PEAK1: variants seen among roughly 807,000 people sequenced by gnomAD.
PEAK1 encodes the protein inactive tyrosine-protein kinase PEAK1.
In PEAK1, 54 loss-of-function variants were observed where a neutral mutation model predicts 124.7. The observed-to-expected ratio is 0.43, with a 90% confidence interval of 0.35 to 0.54. The LOEUF (loss-of-function observed/expected upper bound fraction) is 0.54, where lower values mean the gene tolerates loss of function less well. Among genes scored for constraint, PEAK1 ranks in the 20% least tolerant of loss-of-function variants. The probability of loss-of-function intolerance (pLI) is 0.01; values close to 1 mark genes in which losing one functional copy is unlikely to be tolerated. For synonymous variants in PEAK1, 719 were observed against 760.0 expected (o/e 0.95, Z 0.89); for missense variants, 2,046 against 2,134.5 (o/e 0.96, Z 0.82).
Position 77,180,427 on chromosome 15 carries a change from G to A in PEAK1, c.1500C>T (p.Ser500=). The part of the protein sequence containing the change: ...EGPVNSPKTK[S]SSSTPNSPVT... ...CTGGAGAGTTTGGAGTAGAGGATGA[G>A]CTTTTTGTCTTGGGGCTGTTAACAG... The change falls in exon 7 of 10, where the codon AGC becomes AGT. Residue 500 remains serine, a synonymous_variant. Transcript: ENST00000682557. The A allele has an allele frequency of 6.2e-7, 1 of 1,614,158 alleles. No homozygotes were observed. The highest frequency in any genetic ancestry group is 1.1e-5 in the South Asian group (1 of 91,082).
In PEAK1 at chr15:77,318,170, T is replaced by TACAC. The variant is rs10635105; in HGVS notation, c.-602-31670_-602-31667dup. ...TAACAAAATTGCATGCATGCATGCA[T>TACAC]ACACACACACACACACAAATGTATA... On this transcript the variant is annotated intron_variant, in intron 2 of 9. Transcript: ENST00000682557. 2.6e-3 allele frequency among the ~76,000 whole-genome samples: 395 copies of TACAC among 151,112 alleles called. 1 individual carries two copies. Among genetic ancestry groups the TACAC allele is most frequent in the Middle Eastern group, 3.4e-3 (1 of 292 alleles).
At chr15:77,236,671 A>T (rs2060139907) in intron 6 of PEAK1, among the ~76,000 whole-genome samples, 1 of 152,150 alleles carries the variant, frequency 6.6e-6, no homozygotes, top group Admixed American at 6.5e-5. Context: ...ATGTGAGGAC[A>T]TGAAATTTGG....
At chr15:77,157,168 T>C (rs1596390476) in intron 8 of PEAK1, 1 of 152,172 alleles carries the variant, frequency 6.6e-6, no homozygotes, top group African/African-American at 2.4e-5. Flanking sequence ...CACTAGCTAG[T>C]GTTAGAATTA....
At chr15:77,243,522 GCA>G (rs1243337226) in intron 6 of PEAK1, among the ~76,000 whole-genome samples, 1 of 152,182 alleles carries the variant, frequency 6.6e-6, no homozygotes, top group African/African-American at 2.4e-5. Context: ...ACAGTAGGTG[GCA>G]CAGTTATTTT....
At chr15:77,369,549 C>A (rs2068500961) in intron 1 of PEAK1, among the ~76,000 whole-genome samples, 1 of 152,050 alleles carries the variant, frequency 6.6e-6, no homozygotes, top group Admixed American at 6.6e-5. Context: ...GATTTATGAG[C>A]TAAGAATGGT....
intron 2 of PEAK1, among the ~76,000 whole-genome samples, chr15:77,294,276 C>G (rs1240488665): frequency 6.6e-6 from 1 of 152,052 alleles, no homozygotes; most frequent in Non-Finnish European, 1.5e-5. Context: ...ATAAAGGAAA[C>G]TACAGTAAAT....
Position 77,180,246 on chromosome 15 carries a change from G to A in PEAK1, c.1681C>T (p.Pro561Ser). 6.2e-7 allele frequency: 1 copy of A among 1,614,162 alleles called. No homozygotes were observed. Among genetic ancestry groups the A allele is most frequent in the Non-Finnish European group, 8.5e-7 (1 of 1,180,018 alleles). The change falls in exon 7 of 10, where the codon CCA becomes TCA. Residue 561 changes from proline (P) to serine (S), a missense_variant. Transcript: ENST00000682557. ...ITSGTGPNVP[P>S]RKNCHKSAPT... ...GCTGATTTGTGACAGTTTTTCCTTG[G>A]AGGAACATTTGGTCCAGTTCCACTA...
chr15:77,362,665 T>C (rs1484905342), intron 2 of PEAK1, among the ~76,000 whole-genome samples: 2 of 152,078 alleles, frequency 1.3e-5, no homozygotes, highest in Non-Finnish European at 2.9e-5. Flanking sequence ...TAGGTATATA[T>C]CCAAGAGACA....
chr15:77,360,221 C>G (rs1323190732), intron 2 of PEAK1, among the ~76,000 whole-genome samples: 1 of 152,064 alleles, frequency 6.6e-6, no homozygotes, highest in Non-Finnish European at 1.5e-5. Flanking sequence ...TACATTACAC[C>G]ATTTATAAAA....
chr15:77,401,332 A>G (rs1364015892), intron 1 of PEAK1, among the ~76,000 whole-genome samples: 1 of 152,114 alleles, frequency 6.6e-6, no homozygotes, highest in Non-Finnish European at 1.5e-5. Flanking sequence ...TGTACATACT[A>G]TTTCCTTTCC....
chr15:77,227,156 C>T (rs1460741203), intron 6 of PEAK1, among the ~76,000 whole-genome samples: 2 of 152,122 alleles, frequency 1.3e-5, no homozygotes. Flanking sequence ...AGGAAGAGAA[C>T]TTGTATTTAT....
chr15:77,271,050 C>G (rs1689847658), intron 5 of PEAK1, among the ~76,000 whole-genome samples: 1 of 152,078 alleles, frequency 6.6e-6, no homozygotes, highest in Admixed American at 6.6e-5. Context: ...GATTCTGTAT[C>G]CAGAATCTAC....
rs756238041 is a variant in PEAK1 at position 77,217,161 on chromosome 15, C to T, written c.-114-35121G>A. On this transcript the variant is annotated intron_variant, in intron 6 of 9. Transcript: ENST00000682557. The stretch of plus-strand genomic sequence containing the variant: ...GAAGGATCACTTGAGTATGAGATGT[C>T]GAGGTGGCAGTGAGCTGTGCCACTG... 3.7e-5 allele frequency among the ~76,000 whole-genome samples: 5 copies of T among 135,724 alleles called. No individual in the cohort carries two copies. The East Asian group carries it at 9.1e-4, about 25-fold the overall frequency. The allele number at this position is 135,724 out of a possible 152,430, so 89.0% of individuals were successfully genotyped here. A position where few individuals can be genotyped will look rare whatever the true frequency, so the allele number is the denominator to read the frequency against.
intron 2 of PEAK1, chr15:77,350,174 C>T: frequency 1.0e-6 from 1 of 985,418 alleles, no homozygotes; most frequent in Non-Finnish European, 1.2e-6. Context: ...CTGAGTTTTG[C>T]AACTACTAAC....
intron 2 of PEAK1, among the ~76,000 whole-genome samples, chr15:77,323,235 C>T (rs1222849083): frequency 6.6e-6 from 1 of 152,136 alleles, no homozygotes; most frequent in Non-Finnish European, 1.5e-5. Flanking sequence ...GACAGGGATG[C>T]CCTCTCTCAC....
exon 7 of PEAK1, chr15:77,100,776 C>T (rs921674711): frequency 2.0e-5 from 3 of 152,222 alleles, no homozygotes; most frequent in East Asian, 1.9e-4. Context: ...CAAGGACACT[C>T]GGCCCACTCA....
chr15:77,365,674 A>T (rs2068175969), intron 1 of PEAK1, among the ~76,000 whole-genome samples: 3 of 142,088 alleles, frequency 2.1e-5, no homozygotes, highest in African/African-American at 7.7e-5. Flanking sequence ...CGGGAGGCGG[A>T]GGTTGCAGTG....
At chr15:77,242,423 T>C (rs927132435) in intron 6 of PEAK1, among the ~76,000 whole-genome samples, 1 of 152,132 alleles carries the variant, frequency 6.6e-6, no homozygotes, top group African/African-American at 2.4e-5. Context: ...GTATCATTTA[T>C]TGCACTATTT....
chr15:77,273,808 C>G (rs1436495387), intron 5 of PEAK1, among the ~76,000 whole-genome samples: 1 of 152,008 alleles, frequency 6.6e-6, no homozygotes, highest in African/African-American at 2.4e-5. Context: ...CAAAAAAGAG[C>G]CCACGTAGCC....
Sources: allele counts gnomAD v4.1 joint callset (sites outside exome capture counted in the v4.1 genomes callset), GRCh38; gene constraint gnomAD v4.1.1; transcripts MANE v1.5; gene names NCBI Gene and HGNC (gene_info 2026-07-23, HGNC 2026-07-21).